Variants in ROBO2 observed in about 807,000 individuals in gnomAD.
ROBO2 encodes roundabout homolog 2.
Under a neutral mutation model 160.8 loss-of-function variants are expected in ROBO2, and 53 were observed. That is an observed-to-expected ratio of 0.33 (90% CI 0.26 to 0.41). The LOEUF (loss-of-function observed/expected upper bound fraction) is 0.41, where lower values mean the gene tolerates loss of function less well. Ranked by LOEUF, ROBO2 falls within the 10% of genes least tolerant of loss-of-function variation. ROBO2 has a pLI of 1.00. For missense variants in ROBO2, 1,577 were observed against 1,722.4 expected (o/e 0.92, Z 1.49); for synonymous variants, 664 against 611.7 (o/e 1.09, Z -1.26).
At position 76,393,752 on chromosome 3, in the gene ROBO2, C is replaced by A. The variant is rs2077275174; in HGVS notation, c.109+456150C>A. Among the ~76,000 whole-genome samples, 4 of 152,090 alleles carry A rather than the reference C, an allele frequency of 2.6e-5. No individual in the cohort carries two copies. In the South Asian group the frequency reaches 8.3e-4, roughly 31 times the overall value. ...TGAAGCTTTTTGAGCCATCTCTGGA[C>A]AGAGGAGTGTATCTGAGTCTTTAGG... is the stretch of plus-strand genomic sequence containing the variant. On this transcript the variant is annotated intron_variant, in intron 2 of 26. Transcript: ENST00000487694.
chr3:76,435,071 C>G, intron 2 of ROBO2: 1 of 1,081,394 alleles, frequency 9.2e-7, no homozygotes, highest in Non-Finnish European at 1.4e-6. Flanking sequence ...ACAAGTGTGT[C>G]AACATGACAT....
intron 2 of ROBO2, among the ~76,000 whole-genome samples, chr3:76,215,298 A>G (rs931239264): frequency 6.6e-6 from 1 of 152,194 alleles, no homozygotes; most frequent in Non-Finnish European, 1.5e-5. Flanking sequence ...GCAATGGAAC[A>G]AAGCTGGATG....
At chr3:77,408,820 G>A (rs1042307392) in intron 2 of ROBO2, among the ~76,000 whole-genome samples, 3 of 151,934 alleles carry the variant, frequency 2.0e-5, no homozygotes, top group Non-Finnish European at 4.4e-5. Flanking sequence ...AATCTCCTGG[G>A]ATCAAGGGAT....
At chr3:77,033,274 A>C (rs2063432453) in intron 2 of ROBO2, among the ~76,000 whole-genome samples, 1 of 152,182 alleles carries the variant, frequency 6.6e-6, no homozygotes, top group African/African-American at 2.4e-5. Context: ...ATTGAGTGGA[A>C]ATGCTACTTC....
At chr3:76,993,316 C>T (rs2060796767) in intron 2 of ROBO2, among the ~76,000 whole-genome samples, 1 of 152,062 alleles carries the variant, frequency 6.6e-6, no homozygotes, top group African/African-American at 2.4e-5. Context: ...CTTAGCAACT[C>T]TTGTCTTGAA....
chr3:77,183,851 T>C (rs2081033808), intron 2 of ROBO2, among the ~76,000 whole-genome samples: 1 of 152,066 alleles, frequency 6.6e-6, no homozygotes, highest in Admixed American at 6.6e-5. Flanking sequence ...TAACTTTCTT[T>C]TCATGTTTTC....
At chr3:77,542,575 T>G (rs1245782972) in intron 6 of ROBO2, among the ~76,000 whole-genome samples, 2 of 152,232 alleles carry the variant, frequency 1.3e-5, no homozygotes, top group Non-Finnish European at 2.9e-5. Context: ...GACAGTTTTT[T>G]GTTAGTGGTC....
At chr3:76,588,062 C>T (rs1214038786) in intron 2 of ROBO2, among the ~76,000 whole-genome samples, 2 of 152,060 alleles carry the variant, frequency 1.3e-5, no homozygotes, top group Admixed American at 6.6e-5. Context: ...TGTTTAAAAT[C>T]GTGCATGAAT....
intron 2 of ROBO2, among the ~76,000 whole-genome samples, chr3:77,016,291 T>TATGACTGAGTTTCAGAGTTTTGC (rs1559848697): frequency 6.6e-6 from 1 of 152,166 alleles, no homozygotes; most frequent in Non-Finnish European, 1.5e-5. Context: ...TGTTATTTTG[T>TATGACTGAGTTTCAGAGTTTTGC]ACGACTGAGT....
intron 1 of ROBO2, among the ~76,000 whole-genome samples, chr3:77,048,748 A>G (rs1264057064): frequency 6.6e-6 from 1 of 152,224 alleles, no homozygotes; most frequent in Non-Finnish European, 1.5e-5. Flanking sequence ...TCCATTAGTT[A>G]CATTTGCACA....
intron 2 of ROBO2, among the ~76,000 whole-genome samples, chr3:76,048,356 C>T (rs2067520318): frequency 6.6e-6 from 1 of 152,090 alleles, no homozygotes; most frequent in African/African-American, 2.4e-5. Flanking sequence ...ATTTGTGCAA[C>T]TTGAAAATTG....
intron 20 of ROBO2, among the ~76,000 whole-genome samples, chr3:77,607,053 A>C (rs1474924432): frequency 6.6e-6 from 1 of 152,198 alleles, no homozygotes; most frequent in African/African-American, 2.4e-5. Flanking sequence ...ATGTAATCCT[A>C]GATATGGCTC....
intron 2 of ROBO2, among the ~76,000 whole-genome samples, chr3:77,349,051 C>T (rs189163133): frequency 6.6e-6 from 1 of 152,254 alleles, no homozygotes; most frequent in East Asian, 1.9e-4. Flanking sequence ...TTCTCACTTA[C>T]CTAACATCAG....
At chr3:76,115,008 C>T (rs368902319) in intron 2 of ROBO2, among the ~76,000 whole-genome samples, 27 of 152,030 alleles carry the variant, frequency 1.8e-4, no homozygotes, top group East Asian at 5.8e-4. Context: ...ATGATAGTTC[C>T]GGGATTTCAT....
chr3:76,951,898 A>G (rs1389935935), intron 2 of ROBO2, among the ~76,000 whole-genome samples: 1 of 152,214 alleles, frequency 6.6e-6, no homozygotes, highest in Non-Finnish European at 1.5e-5. Flanking sequence ...CATTGATACT[A>G]TGAAACTCCT....
chr3:75,994,096 A>G (rs921124426), intron 2 of ROBO2, among the ~76,000 whole-genome samples: 5 of 152,178 alleles, frequency 3.3e-5, no homozygotes, highest in Admixed American at 6.5e-5. Context: ...CCTTCCAAGT[A>G]TAGGGCTCTG....
intron 2 of ROBO2, among the ~76,000 whole-genome samples, chr3:76,121,239 T>C (rs1001647695): frequency 6.6e-6 from 1 of 152,154 alleles, no homozygotes; most frequent in African/African-American, 2.4e-5. Flanking sequence ...AGTAGCAATT[T>C]GGGAGATTAC....
intron 2 of ROBO2, among the ~76,000 whole-genome samples, chr3:76,249,258 C>T (rs7634415): frequency 0.91 from 138,693 of 152,106 alleles, 63,456 homozygotes; most frequent in Middle Eastern, 0.98. Flanking sequence ...TGCCTCAGAA[C>T]TGGGAAGTCA....
At chr3:77,614,752 A>G (rs951061609) in intron 21 of ROBO2, among the ~76,000 whole-genome samples, 26 of 141,584 alleles carry the variant, frequency 1.8e-4, no homozygotes, top group Non-Finnish European at 4.0e-4. Flanking sequence ...CAACCAACCA[A>G]CCAAACAAAC....
Sources: allele counts gnomAD v4.1 joint callset (sites outside exome capture counted in the v4.1 genomes callset), GRCh38; gene constraint gnomAD v4.1.1; transcripts MANE v1.5; gene names NCBI Gene and HGNC (gene_info 2026-07-23, HGNC 2026-07-21).